Variants in SPATA1 observed in about 807,000 individuals in gnomAD.
The protein encoded by SPATA1 is spermatogenesis associated 1, also known as spermatogenesis-associated protein 1.
SPATA1 carries 57 observed loss-of-function variants against 59.6 expected under a neutral mutation model. The ratio of observed to expected loss-of-function variants is 0.96; its 90% CI spans 0.77 to 1.19. SPATA1 has a LOEUF of 1.19. SPATA1 is among the 50% of genes most tolerant of loss of function. The probability of loss-of-function intolerance (pLI) is 0.00; values close to 1 mark genes in which losing one functional copy is unlikely to be tolerated. For synonymous variants in SPATA1, 147 were observed against 163.9 expected (o/e 0.90, Z 0.79); for missense variants, 448 against 480.7 (o/e 0.93, Z 0.64).
intron 1 of SPATA1, among the ~76,000 whole-genome samples, chr1:84,507,537 T>G (rs1017486901): frequency 5.9e-5 from 9 of 152,222 alleles, no homozygotes; most frequent in African/African-American, 1.9e-4. Context: ...GAAATGACAT[T>G]ATATGTAAAA....
At position 84,516,264 on chromosome 1, in the gene SPATA1, C is replaced by A. The variant is rs1570391717; in HGVS notation, c.-96C>A. 21 of 1,114,218 alleles carry A rather than the reference C, an allele frequency of 1.9e-5. No individual in the cohort carries two copies. The East Asian group carries it at 6.0e-4, about 32-fold the overall frequency. The allele number at this position is 1,114,218 out of a possible 1,614,324, so 69.0% of individuals were successfully genotyped here. A position where few individuals can be genotyped will look rare whatever the true frequency, so the allele number is the denominator to read the frequency against. On this transcript the variant is annotated 5_prime_UTR_variant, in exon 2 of 13. Coordinates refer to ENST00000490879, the Ensembl canonical transcript of SPATA1. Reference sequence around the variant, plus strand: ...GAATGCTATCTTAAGCCAAAAAAAACTATTATAATTTTTATTTAGTACTAC... The same window carrying A: ...GAATGCTATCTTAAGCCAAAAAAAAATATTATAATTTTTATTTAGTACTAC...
intron 4 of SPATA1, among the ~76,000 whole-genome samples, chr1:84,524,609 T>C (rs1400894148): frequency 1.3e-5 from 2 of 152,172 alleles, no homozygotes; most frequent in East Asian, 1.9e-4. Context: ...AAATCTTCCT[T>C]TGGTTCTCAA....
intron 6 of SPATA1, among the ~76,000 whole-genome samples, chr1:84,529,019 A>G (rs1476828970): frequency 6.6e-6 from 1 of 152,014 alleles, no homozygotes; most frequent in Non-Finnish European, 1.5e-5. Context: ...ATTTTTTCAT[A>G]TATATATTCT....
chr1:84,548,745 CTTT>C, intron 10 of SPATA1, 38 bp from the exon 11 acceptor site: 1 of 1,338,152 alleles, frequency 7.5e-7, no homozygotes. Flanking sequence ...AAACGAAGGC[CTTT>C]CCTTTTTTTT....
chr1:84,533,773 T>C lies in SPATA1; in HGVS notation c.717+7T>C. The C allele has an allele frequency of 6.5e-7, 1 of 1,539,904 alleles. No homozygotes were observed. The highest frequency in any genetic ancestry group is 8.8e-7 in the Non-Finnish European group (1 of 1,139,278). ...TAGAAGACAGGACAATCAGGTACTATTTAAAATTTTTTGTTTAAACATGGT... is the reference window on the plus strand; with the variant it reads ...TAGAAGACAGGACAATCAGGTACTACTTAAAATTTTTTGTTTAAACATGGT... On this transcript the variant is annotated splice_region_variant and intron_variant, in intron 8 of 12. Coordinates refer to ENST00000490879, the Ensembl canonical transcript of SPATA1.
At chr1:84,520,520 A>G in intron 2 of SPATA1, 65 bp from the exon 3 acceptor site, 1 of 872,196 alleles carries the variant, frequency 1.1e-6, no homozygotes, top group Non-Finnish European at 1.6e-6. Context: ...ATTCTATAGG[A>G]CATCAATTGA....
At chr1:84,515,831 T>C (rs1682773314) in intron 1 of SPATA1, among the ~76,000 whole-genome samples, 1 of 152,204 alleles carries the variant, frequency 6.6e-6, no homozygotes, top group African/African-American at 2.4e-5. Flanking sequence ...CATCATTCTA[T>C]AGCCATTTTA....
chr1:84,561,184 GGGA>G (rs1374450842), intron 4 of SPATA1, among the ~76,000 whole-genome samples: 2 of 152,206 alleles, frequency 1.3e-5, no homozygotes, highest in East Asian at 1.9e-4. Context: ...ATTCATGCAT[GGGA>G]GGAGGTCAAA....
At chr1:84,559,394 G>C (rs1457595894), downstream of SPATA1, among the ~76,000 whole-genome samples, 5 of 152,194 alleles carry the variant, frequency 3.3e-5, no homozygotes, top group Non-Finnish European at 5.9e-5. Flanking sequence ...GCCGAGATGG[G>C]AGGATCACTT....
chr1:84,520,530 ATT>A (rs5775789), intron 2 of SPATA1, 53 bp from the exon 3 acceptor site: 146 of 975,016 alleles, frequency 1.5e-4, no homozygotes, highest in South Asian at 2.4e-4. Flanking sequence ...ACATCAATTG[ATT>A]TTTTTTTTCA....
chr1:84,551,202 C>T (rs1684260818), intron 12 of SPATA1: 1 of 985,078 alleles, frequency 1.0e-6, no homozygotes, highest in Non-Finnish European at 1.2e-6. Flanking sequence ...CAAGTACCCA[C>T]AGCAAGGCAG....
intron 4 of SPATA1, among the ~76,000 whole-genome samples, chr1:84,560,576 C>T (rs970870352): frequency 1.3e-5 from 2 of 152,214 alleles, no homozygotes; most frequent in African/African-American, 2.4e-5. Flanking sequence ...GCAGAGACCC[C>T]TTTCTTCAAA....
intron 4 of SPATA1, among the ~76,000 whole-genome samples, chr1:84,561,910 G>T (rs977778032): frequency 6.6e-6 from 1 of 152,072 alleles, no homozygotes; most frequent in African/African-American, 2.4e-5. Context: ...TATGCACAGG[G>T]AAACAAAAAA....
At chr1:84,548,899 A>G (rs751519698) in exon 11 of SPATA1, 15 of 1,608,452 alleles carry the variant, frequency 9.3e-6, no homozygotes, top group Admixed American at 1.7e-5. Context: ...AAAACTGCTC[A>G]TGCAACTTGA....
intron 1 of SPATA1, among the ~76,000 whole-genome samples, chr1:84,508,309 A>G (rs1288632487): frequency 6.6e-6 from 1 of 152,032 alleles, no homozygotes; most frequent in East Asian, 1.9e-4. Context: ...AACCATTGAG[A>G]TAACTTTAAG....
intron 8 of SPATA1, among the ~76,000 whole-genome samples, chr1:84,543,145 G>A (rs141904642): frequency 6.6e-6 from 1 of 152,294 alleles, no homozygotes; most frequent in African/African-American, 2.4e-5. Context: ...CACAGAAAGT[G>A]AAGCTACAGA....
At chr1:84,559,797 T>C (rs1019472466) in intron 4 of SPATA1, among the ~76,000 whole-genome samples, 4 of 152,004 alleles carry the variant, frequency 2.6e-5, no homozygotes, top group Non-Finnish European at 5.9e-5. Context: ...GCTTAAACAA[T>C]GTGTTGGCCA....
downstream of SPATA1, among the ~76,000 whole-genome samples, chr1:84,558,817 C>T (rs1441034715): frequency 6.6e-6 from 1 of 151,998 alleles, no homozygotes; most frequent in Non-Finnish European, 1.5e-5. Flanking sequence ...AGGAGGATTG[C>T]TTGAGCCCAA....
intron 4 of SPATA1, among the ~76,000 whole-genome samples, chr1:84,522,893 A>G (rs1683082236): frequency 6.6e-6 from 1 of 150,782 alleles, no homozygotes; most frequent in East Asian, 1.9e-4. Context: ...TGGCTCCAAC[A>G]TATTTTTTTG....
Sources: gnomAD v4.1 joint callset for allele counts (sites outside exome capture counted in the v4.1 genomes callset) on GRCh38, gnomAD v4.1.1 for gene constraint, MANE v1.5 for transcripts, NCBI Gene and HGNC (gene_info 2026-07-23, HGNC 2026-07-21) for gene names.